The following VPS13B variants were observed in gnomAD, a reference collection of about 807,000 sequenced individuals.
VPS13B encodes the protein intermembrane lipid transfer protein VPS13B.
Under a neutral mutation model 426.4 loss-of-function variants are expected in VPS13B, and 285 were observed. That is an observed-to-expected ratio of 0.67 (90% CI 0.61 to 0.74). The LOEUF (loss-of-function observed/expected upper bound fraction) is 0.74, where lower values mean the gene tolerates loss of function less well. VPS13B is among the 30% of genes least tolerant of loss of function. VPS13B has a pLI of 0.00. For synonymous variants in VPS13B, 1,676 were observed against 1,676.4 expected (o/e 1.00, Z 0.01); for missense variants, 4,537 against 4,782.6 (o/e 0.95, Z 1.51).
chr8:99,697,402 A>C (rs1262090636), intron 35 of VPS13B: 5 of 636,688 alleles, frequency 7.9e-6, no homozygotes, highest in African/African-American at 1.8e-5. Flanking sequence ...ACCCTGAAGG[A>C]CACTGCCCCC....
Position 99,853,515 on chromosome 8 carries a change from G to A in VPS13B, c.10126G>A (p.Asp3376Asn). 6.2e-7 allele frequency: 1 copy of A among 1,614,160 alleles called. No individual in the cohort carries two copies. The highest frequency in any genetic ancestry group is 1.1e-5 in the South Asian group (1 of 91,060). The change falls in exon 56 of 62, where the codon GAC becomes AAC. Residue 3376 changes from aspartate to asparagine, a missense_variant. Coordinates refer to ENST00000357162, the MANE Select transcript of VPS13B (RefSeq NM_152564.5). ...ITQLSLAVFD[D>N]LTHHKASAEL... ...TCAGTTAAGCCTGGCAGTGTTTGATGACCTCACCCACCACAAAGCATCAGC... is the reference window on the plus strand; with the variant it reads ...TCAGTTAAGCCTGGCAGTGTTTGATAACCTCACCCACCACAAAGCATCAGC...
intron 8 of VPS13B, among the ~76,000 whole-genome samples, chr8:99,129,181 TCTA>T (rs1374773927): frequency 6.6e-6 from 1 of 152,046 alleles, no homozygotes; most frequent in Non-Finnish European, 1.5e-5. Flanking sequence ...TATTCTCAGT[TCTA>T]CTGAAAAAAA....
At chr8:99,800,072 A>G (rs10092463) in intron 43 of VPS13B, among the ~76,000 whole-genome samples, 40,011 of 152,034 alleles carry the variant, frequency 0.26, 6,490 homozygotes, top group South Asian at 0.54. Context: ...TTCTGTTAAG[A>G]GTTTGTCTGC....
intron 23 of VPS13B, among the ~76,000 whole-genome samples, chr8:99,466,765 A>G (rs1347136050): frequency 2.6e-5 from 4 of 152,144 alleles, no homozygotes; most frequent in African/African-American, 9.7e-5. Context: ...TTTGATTAAG[A>G]AGGTCTAAAG....
At chr8:99,445,934 A>G (rs971134190) in intron 23 of VPS13B, among the ~76,000 whole-genome samples, 2 of 152,242 alleles carry the variant, frequency 1.3e-5, no homozygotes, top group African/African-American at 4.8e-5. Flanking sequence ...TTCATTAGCT[A>G]TATGGTTTCT....
rs773932376 is a variant in VPS13B, at chr8:99,575,629, G to A, written c.4950-29G>A. 3.0e-5 allele frequency: 48 copies of A among 1,613,044 alleles called. 1 individual carries two copies. The Middle Eastern group carries it at 4.6e-3, about 155-fold the overall frequency. ...AAATTGTCTTTGAAAATAATGAAATGGCTAATAATCTTTTACTCTATCTTT... is the reference window on the plus strand; with the variant it reads ...AAATTGTCTTTGAAAATAATGAAATAGCTAATAATCTTTTACTCTATCTTT... On this transcript the variant is annotated intron_variant, in intron 31 of 61. Coordinates refer to ENST00000357162, the MANE Select transcript of VPS13B (RefSeq NM_152564.5).
chr8:99,559,067 A>T (rs1210060886), intron 31 of VPS13B, among the ~76,000 whole-genome samples: 1 of 152,190 alleles, frequency 6.6e-6, no homozygotes, highest in African/African-American at 2.4e-5. Flanking sequence ...CCTCTCCAGC[A>T]CCTGTTGTTT....
intron 5 of VPS13B, among the ~76,000 whole-genome samples, 155 bp downstream of exon 5, chr8:99,103,275 A>G (rs1299860010): frequency 6.6e-6 from 1 of 152,176 alleles, no homozygotes; most frequent in Non-Finnish European, 1.5e-5. Flanking sequence ...AAAATGTTGC[A>G]TATAATTACA....
At chr8:99,713,303 C>A (rs1171194266) in intron 36 of VPS13B, among the ~76,000 whole-genome samples, 1 of 152,184 alleles carries the variant, frequency 6.6e-6, no homozygotes, top group South Asian at 2.1e-4. Context: ...AAATATCAAC[C>A]TTTTATGGCT....
At chr8:99,539,404 C>G (rs184067290) in intron 30 of VPS13B, among the ~76,000 whole-genome samples, 1 of 152,076 alleles carries the variant, frequency 6.6e-6, no homozygotes. Flanking sequence ...TTAATGTCCA[C>G]AAAATATGAA....
At chr8:99,868,916 C>T (rs1465943829) in intron 59 of VPS13B, among the ~76,000 whole-genome samples, 3 of 152,204 alleles carry the variant, frequency 2.0e-5, no homozygotes. Flanking sequence ...GGACATCCTG[C>T]CCCTCGCAGC....
In VPS13B at chr8:99,156,680, C is replaced by T. The variant is rs369680212; in HGVS notation, c.2145C>T (p.Val715=). ...ATGCTGAACAGTTGGTGCATGTGGT[C>T]AGCAGCCTTACTCAACCTTCTGATA... is the stretch of plus-strand genomic sequence containing the variant. The part of the protein sequence containing the change: ...PMYAEQLVHV[V]SSLTQPSDNL... The change falls in exon 15 of 62, where the codon GTC becomes GTT. Residue 715 remains valine (V), a synonymous_variant. Transcript: ENST00000357162. 1 of 1,613,922 alleles carries T rather than the reference C, an allele frequency of 6.2e-7. No homozygotes were observed. Among genetic ancestry groups the T allele is most frequent in the Non-Finnish European group, 8.5e-7 (1 of 1,179,934 alleles).
Position 99,502,867 on chromosome 8 carries a change from C to T in VPS13B, c.4074C>T (p.Leu1358=). 6.2e-7 allele frequency: 1 copy of T among 1,613,444 alleles called. No individual in the cohort carries two copies. The highest frequency in any genetic ancestry group is 8.5e-7 in the Non-Finnish European group (1 of 1,179,606). ...EVCMVSELED[L]SASIDVQDVY... ...GTATGGTCAGTGAACTAGAAGATCT[C>T]AGTGCTTCCATAGATGTCCAGGATG... The change falls in exon 27 of 62, where the codon CTC becomes CTT. Residue 1358 remains leucine (L), a synonymous_variant. Transcript: ENST00000357162.
rs187687232 is a variant in VPS13B, at chr8:99,824,059, C to G, written c.9330+81C>G. ...GGATCAACTTCTCTTTAACCTATAG[C>G]AAATGAAAAGCTAACCCTGAATGTA... On this transcript the variant is annotated intron_variant, in intron 51 of 61. Transcript: ENST00000357162. 687 of 1,514,716 alleles carry G rather than the reference C, an allele frequency of 4.5e-4. 6 individuals are homozygous for G. In the African/African-American group the frequency reaches 8.5e-3, roughly 19 times the overall value. The allele number at this position is 1,514,716 out of a possible 1,614,324, so 93.8% of individuals were successfully genotyped here. A position where few individuals can be genotyped will look rare whatever the true frequency, so the allele number is the denominator to read the frequency against.
At chr8:99,045,090 C>G (rs1003517483) in intron 3 of VPS13B, among the ~76,000 whole-genome samples, 1 of 152,172 alleles carries the variant, frequency 6.6e-6, no homozygotes, top group East Asian at 1.9e-4. Context: ...ATTGCTGGAT[C>G]AAACGGTAGT....
intron 21 of VPS13B, chr8:99,424,193 G>A (rs1317901297): frequency 6.6e-6 from 1 of 151,624 alleles, no homozygotes; most frequent in Non-Finnish European, 1.5e-5. Context: ...GATCTTTGTT[G>A]GTTTAAAGTC....
At chr8:99,810,232 TAGAA>T (rs1470679561) in intron 44 of VPS13B, among the ~76,000 whole-genome samples, 2 of 152,060 alleles carry the variant, frequency 1.3e-5, no homozygotes, top group Middle Eastern at 3.4e-3. Flanking sequence ...TGGACAAGAG[TAGAA>T]AGAAAAGAAG....
Position 99,013,914 on chromosome 8 carries a change from A to G in VPS13B, c.126A>G (p.Leu42=), listed in dbSNP as rs776259826. The G allele has an allele frequency of 6.2e-7, 1 of 1,614,140 alleles. No homozygotes were observed. Among genetic ancestry groups the G allele is most frequent in the Admixed American group, 1.7e-5 (1 of 60,022 alleles). Residue 42 remains leucine (L), a synonymous_variant, in exon 2 of 62, where the codon TTA becomes TTG. Coordinates refer to ENST00000357162, the MANE Select transcript of VPS13B (RefSeq NM_152564.5). ...ACGTGGTACTCAGCAAGCTCGAGTTAAAGTTGGATGTGCTGGAACAGGTAA... is the reference window on the plus strand; with the variant it reads ...ACGTGGTACTCAGCAAGCTCGAGTTGAAGTTGGATGTGCTGGAACAGGTAA... ...GGDVVLSKLE[L]KLDVLEQELK... is the part of the protein sequence containing the mutation.
At chr8:99,792,490 TAA>T (rs1346554365) in intron 43 of VPS13B, among the ~76,000 whole-genome samples, 2 of 152,138 alleles carry the variant, frequency 1.3e-5, no homozygotes, top group Non-Finnish European at 2.9e-5. Context: ...TTAAAAACCC[TAA>T]AAGAGTGATC....
Sources: gnomAD v4.1 joint callset for allele counts (sites outside exome capture counted in the v4.1 genomes callset) on GRCh38, gnomAD v4.1.1 for gene constraint, MANE v1.5 for transcripts, NCBI Gene and HGNC (gene_info 2026-07-23, HGNC 2026-07-21) for gene names.